CNIH3: variants seen among roughly 807,000 people sequenced by gnomAD.
CNIH3 encodes cornichon family AMPA receptor auxiliary protein 3.
Under a neutral mutation model 24.1 loss-of-function variants are expected in CNIH3, and 14 were observed. The observed-to-expected ratio is 0.58, with a 90% CI of 0.38 to 0.91. The LOEUF is 0.91. Ranked by LOEUF, CNIH3 falls within the 40% of genes least tolerant of loss-of-function variation. The probability of loss-of-function intolerance (pLI) is 0.00; values close to 1 mark genes in which losing one functional copy is unlikely to be tolerated. For missense variants in CNIH3, 178 were observed against 196.8 expected (o/e 0.90, Z 0.57); for synonymous variants, 68 against 73.8 (o/e 0.92, Z 0.40).
chr1:224,602,460 T>C (rs948274090), intron 3 of CNIH3, among the ~76,000 whole-genome samples: 2 of 152,250 alleles, frequency 1.3e-5, no homozygotes, highest in East Asian at 1.9e-4. Flanking sequence ...TTTTTGTCAT[T>C]GATATTTACA....
At chr1:224,715,705 G>A (rs184183410) in intron 3 of CNIH3, among the ~76,000 whole-genome samples, 3 of 152,302 alleles carry the variant, frequency 2.0e-5, no homozygotes, top group Admixed American at 6.5e-5. Context: ...GGAAATGAGA[G>A]GGTTGGGGAG....
At chr1:224,626,402 A>G (rs943754609) in intron 1 of CNIH3, among the ~76,000 whole-genome samples, 6 of 152,256 alleles carry the variant, frequency 3.9e-5, no homozygotes, top group Non-Finnish European at 5.9e-5. Flanking sequence ...CCAGGGCATA[A>G]TGATCAGACT....
At chr1:224,500,637 C>T (rs1229211654) in intron 1 of CNIH3, among the ~76,000 whole-genome samples, 1 of 151,722 alleles carries the variant, frequency 6.6e-6, no homozygotes, top group Non-Finnish European at 1.5e-5. Flanking sequence ...TGTGCCACTG[C>T]ACTCCAACCT....
intron 1 of CNIH3, among the ~76,000 whole-genome samples, chr1:224,500,493 G>A (rs578040090): frequency 2.6e-5 from 4 of 152,166 alleles, no homozygotes; most frequent in African/African-American, 9.6e-5. Flanking sequence ...CCAACATGAC[G>A]AAACTCTATC....
chr1:224,580,495 G>A (rs949426669), intron 4 of CNIH3, among the ~76,000 whole-genome samples: 2 of 152,152 alleles, frequency 1.3e-5, no homozygotes, highest in African/African-American at 4.8e-5. Flanking sequence ...GGCAAAAGGG[G>A]AAAGGGCAAA....
At chr1:224,629,470 A>G (rs988530343) in intron 1 of CNIH3, among the ~76,000 whole-genome samples, 3 of 152,002 alleles carry the variant, frequency 2.0e-5, no homozygotes, top group Non-Finnish European at 2.9e-5. Context: ...ATCTCTTCAA[A>G]TATTTTACAG....
chr1:224,611,105 C>T (rs903348258), intron 3 of CNIH3, among the ~76,000 whole-genome samples: 1 of 151,626 alleles, frequency 6.6e-6, no homozygotes, highest in Non-Finnish European at 1.5e-5. Context: ...TAGGTAGTGG[C>T]GGCCAAATGT....
intron 1 of CNIH3, chr1:224,454,328 A>T: frequency 1.0e-6 from 1 of 978,154 alleles, no homozygotes; most frequent in Non-Finnish European, 1.2e-6. Flanking sequence ...TTTCTTTTGC[A>T]AAGCTAGGAG....
chr1:224,530,112 A>G (rs532336073), intron 2 of CNIH3, among the ~76,000 whole-genome samples: 2 of 152,310 alleles, frequency 1.3e-5, no homozygotes, highest in African/African-American at 4.8e-5. Context: ...GAAGTCTGGA[A>G]CCTGGGCAAA....
intron 2 of CNIH3, among the ~76,000 whole-genome samples, chr1:224,535,329 G>A (rs939366565): frequency 6.6e-5 from 10 of 151,906 alleles, no homozygotes; most frequent in African/African-American, 2.2e-4. Flanking sequence ...AAGAAGTGAG[G>A]AAGGCTCCTC....
intron 1 of CNIH3, among the ~76,000 whole-genome samples, chr1:224,496,001 T>C (rs1413054924): frequency 6.6e-6 from 1 of 152,200 alleles, no homozygotes; most frequent in Non-Finnish European, 1.5e-5. Flanking sequence ...AGATATGCTC[T>C]TTTCATGTGG....
At chr1:224,688,021 A>G (rs533902829) in intron 3 of CNIH3, among the ~76,000 whole-genome samples, 4 of 152,302 alleles carry the variant, frequency 2.6e-5, no homozygotes, top group African/African-American at 9.6e-5. Context: ...AAAATATCTC[A>G]AATGGGAAAC....
chr1:224,692,065 C>T (rs1307580649), intron 3 of CNIH3, among the ~76,000 whole-genome samples: 1 of 152,146 alleles, frequency 6.6e-6, no homozygotes, highest in East Asian at 1.9e-4. Flanking sequence ...CTTTGGGAGG[C>T]AGGAGGATTG....
chr1:224,463,773 ATTTTTTTTTTTTTTTTTT>A (rs56137320), intron 1 of CNIH3, among the ~76,000 whole-genome samples: 13 of 20,706 alleles, frequency 6.3e-4, no homozygotes, highest in South Asian at 5.2e-3. Context: ...AATTGTCCTC[ATTTTTTTTTTTTTTTTTT>A]TTTTTTTTTT....
At chr1:224,730,361 C>G in intron 3 of CNIH3, 101 bp from the exon 4 acceptor site, 1 of 717,118 alleles carries the variant, frequency 1.4e-6, no homozygotes, top group Non-Finnish European at 2.4e-6. Context: ...TTGTGTCAAC[C>G]GTCTGTGAGA....
chr1:224,523,192 T>C (rs973187540), intron 2 of CNIH3, among the ~76,000 whole-genome samples: 3 of 152,040 alleles, frequency 2.0e-5, no homozygotes, highest in African/African-American at 7.3e-5. Flanking sequence ...TGAGCTATGA[T>C]TGGGCCACTG....
chr1:224,609,165 C>A (rs752306583), intron 3 of CNIH3, among the ~76,000 whole-genome samples: 4 of 152,154 alleles, frequency 2.6e-5, no homozygotes, highest in Non-Finnish European at 2.9e-5. Context: ...GCTACTGTAA[C>A]ACTGAGGGGT....
chr1:224,509,910 A>C lies in CNIH3; in HGVS notation n.204-5831A>C, dbSNP rs2124890470. On this transcript the variant is annotated intron_variant and non_coding_transcript_variant, in intron 1 of 5. Coordinates refer to the CNIH3 transcript ENST00000471578. ...GGGCGAGCCCCAGCTGTCCACCTAG[A>C]AAAAGGGCCCCAGAAAGTGGTGGTG... is the stretch of plus-strand genomic sequence containing the variant. 1.3e-5 allele frequency among the ~76,000 whole-genome samples: 2 copies of C among 152,254 alleles called. 1 individual carries two copies. The highest frequency in any genetic ancestry group is 6.8e-3 in the Middle Eastern group (2 of 294).
In CNIH3 at chr1:224,526,793, G is replaced by A. The variant is rs752976349; in HGVS notation, n.343+5466G>A. Among the ~76,000 whole-genome samples, 120 of 152,250 alleles carry A rather than the reference G, an allele frequency of 7.9e-4. 1 individual carries two copies. The highest frequency in any genetic ancestry group is 5.4e-4 in the Non-Finnish European group (37 of 68,010). ...CTGCAGGCTGTACAGGAGGCATAGC[G>A]ATGGCTTCTGCTTCCGGGGAGGCCT... On this transcript the variant is annotated intron_variant and non_coding_transcript_variant, in intron 2 of 2. Coordinates refer to the CNIH3 transcript ENST00000470602.
Sources: allele counts gnomAD v4.1 joint callset (sites outside exome capture counted in the v4.1 genomes callset), GRCh38; gene constraint gnomAD v4.1.1; transcripts MANE v1.5; gene names NCBI Gene and HGNC (gene_info 2026-07-23, HGNC 2026-07-21).